Variants in KMT2C observed in about 807,000 individuals in gnomAD.
KMT2C encodes the protein lysine methyltransferase 2C, also known as histone-lysine N-methyltransferase 2C.
In KMT2C, 88 loss-of-function variants were observed where a neutral mutation model predicts 507.9. That is an observed-to-expected ratio of 0.17 (90% confidence interval 0.15 to 0.21). The LOEUF (loss-of-function observed/expected upper bound fraction) is 0.21, where lower values mean the gene tolerates loss of function less well. Ranked by LOEUF, KMT2C falls within the 10% of genes least tolerant of loss-of-function variation. KMT2C has a pLI of 1.00. For synonymous variants in KMT2C, 2,049 were observed against 2,080.8 expected (o/e 0.98, Z 0.42); for missense variants, 4,954 against 5,957.8 (o/e 0.83, Z 5.55).
At chr7:152,204,130 CA>C (rs112235437) in intron 25 of KMT2C, among the ~76,000 whole-genome samples, 186 of 134,476 alleles carry the variant, frequency 1.4e-3, no homozygotes, top group Admixed American at 1.8e-3. Context: ...CCACCAATAG[CA>C]AAAAAAAAAA....
At chr7:152,421,185 C>T (rs1162454189) in intron 1 of KMT2C, among the ~76,000 whole-genome samples, 1 of 152,056 alleles carries the variant, frequency 6.6e-6, no homozygotes, top group Non-Finnish European at 1.5e-5. Flanking sequence ...ATCAAAACCA[C>T]AATGAGATAC....
chr7:152,349,511 T>TAA (rs2097092848), intron 2 of KMT2C, among the ~76,000 whole-genome samples: 1 of 152,040 alleles, frequency 6.6e-6, no homozygotes, highest in South Asian at 2.1e-4. Flanking sequence ...TGCATATTAT[T>TAA]AAGTGAAAGA....
chr7:152,136,624 T>C lies in KMT2C; in HGVS notation c.*208A>G. 1 of 558,610 alleles carries C rather than the reference T, an allele frequency of 1.8e-6. No individual in the cohort carries two copies. Among genetic ancestry groups the C allele is most frequent in the Admixed American group, 3.2e-5 (1 of 31,390 alleles). The allele number at this position is 558,610 out of a possible 1,614,324, so 34.6% of individuals were successfully genotyped here. ...GACCATTCTGTGATTCCGTTTAACC[T>C]CGGCCACTTCAGGAACGCTGCTTCT... On this transcript the variant is annotated 3_prime_UTR_variant, in exon 59 of 59. Coordinates refer to ENST00000262189, the MANE Select transcript of KMT2C (RefSeq NM_170606.3).
intron 1 of KMT2C, chr7:152,368,786 A>T: frequency 1.4e-6 from 1 of 719,102 alleles, no homozygotes; most frequent in Non-Finnish European, 2.3e-6. Flanking sequence ...ACAGCGTGAC[A>T]AAAATTATTT....
Position 152,181,235 on chromosome 7 carries a change from T to A in KMT2C, c.6625A>T (p.Thr2209Ser). The change falls in exon 36 of 59, where the codon ACA becomes TCA. Residue 2209 changes from threonine (T) to serine (S), a missense_variant. Physicochemically the swap from Thr to Ser is moderately conservative, Grantham distance 58. Coordinates refer to ENST00000262189, the MANE Select transcript of KMT2C (RefSeq NM_170606.3). ...GGGACAGAAATTCCAGGTCTTGGTG[T>A]TCCAGGAGGATGAGCATATGGATCA... is the stretch of plus-strand genomic sequence containing the variant. ...HSDPYAHPPGTPRPGISVPYS... is the reference protein window; with the variant it reads ...HSDPYAHPPGSPRPGISVPYS... The A allele has an allele frequency of 6.2e-7, 1 of 1,614,116 alleles. No individual in the cohort carries two copies. The highest frequency in any genetic ancestry group is 1.1e-5 in the South Asian group (1 of 91,068).
chr7:152,162,352 C>G lies in KMT2C; in HGVS notation c.11225G>C (p.Ser3742Thr), dbSNP rs763095057. Residue 3742 changes from serine (S) to threonine (T), a missense_variant, in exon 43 of 59, where the codon AGT becomes ACT. Physicochemically the swap from Ser to Thr is moderately conservative, Grantham distance 58. Coordinates refer to ENST00000262189, the MANE Select transcript of KMT2C (RefSeq NM_170606.3). ...EEPKLEEQNG[S>T]KVEGNAVACP... ...GGCTACAGCGTTTCCTTCTACCTTA[C>G]TACCATTCTGTTCCTCCAATTTAGG... 1.1e-5 allele frequency: 17 copies of G among 1,614,124 alleles called. No homozygotes were observed. Among genetic ancestry groups the G allele is most frequent in the Non-Finnish European group, 1.4e-5 (16 of 1,180,048 alleles).
intron 16 of KMT2C, among the ~76,000 whole-genome samples, chr7:152,234,957 A>G (rs1230031626): frequency 6.6e-6 from 1 of 152,148 alleles, no homozygotes; most frequent in Non-Finnish European, 1.5e-5. Flanking sequence ...ATACTCAGCA[A>G]GAAAAGGGAG....
chr7:152,296,999 A>G (rs867930936), intron 6 of KMT2C, among the ~76,000 whole-genome samples: 54 of 48,260 alleles, frequency 1.1e-3, no homozygotes, highest in African/African-American at 6.1e-3. Context: ...AAGAAAGAAA[A>G]AGAAAGAAAG....
chr7:152,177,482 A>G lies in KMT2C; in HGVS notation c.7971T>C (p.Phe2657=), dbSNP rs781459311. ...CAGATGTTGACAAAGGAGCTTCTGA[A>G]AATTCACCACCTAGTGGATGGTTCA... ...RTLNHPLGGE[F]SEAPLSTSVP... Residue 2657 remains phenylalanine (F), a synonymous_variant, in exon 38 of 59, where the codon TTT becomes TTC. Coordinates refer to ENST00000262189, the MANE Select transcript of KMT2C (RefSeq NM_170606.3). 1 of 1,614,236 alleles carries G rather than the reference A, an allele frequency of 6.2e-7. No individual in the cohort carries two copies. The highest frequency in any genetic ancestry group is 1.1e-5 in the South Asian group (1 of 91,088).
At chr7:152,334,398 G>A (rs1319170721) in intron 2 of KMT2C, among the ~76,000 whole-genome samples, 1 of 152,164 alleles carries the variant, frequency 6.6e-6, no homozygotes, top group East Asian at 1.9e-4. Context: ...GTTGCGGTGA[G>A]CCGAGATCAT....
At chr7:152,280,445 G>A (rs1328543733) in intron 6 of KMT2C, among the ~76,000 whole-genome samples, 1 of 152,254 alleles carries the variant, frequency 6.6e-6, no homozygotes. Flanking sequence ...CGGCCACCTG[G>A]GAGGCTGAGG....
chr7:152,143,836 CA>C (rs1367742269), intron 55 of KMT2C, among the ~76,000 whole-genome samples: 4 of 152,152 alleles, frequency 2.6e-5, no homozygotes, highest in Non-Finnish European at 5.9e-5. Flanking sequence ...TGAGTATAGA[CA>C]AAGGAACGCT....
At chr7:152,385,484 C>T (rs937218949) in intron 1 of KMT2C, among the ~76,000 whole-genome samples, 3 of 130,782 alleles carry the variant, frequency 2.3e-5, no homozygotes, top group Non-Finnish European at 4.6e-5. Context: ...TAGTGGCGGG[C>T]GCCTGTAGTC....
At chr7:152,204,837 A>T (rs1371044898) in intron 25 of KMT2C, among the ~76,000 whole-genome samples, 1 of 152,046 alleles carries the variant, frequency 6.6e-6, no homozygotes, top group Non-Finnish European at 1.5e-5. Flanking sequence ...ACAGGAAAAA[A>T]GAGCTTGTCA....
chr7:152,250,028 G>A (rs2095539379), intron 12 of KMT2C, 75 bp from the exon 13 acceptor site: 5 of 837,180 alleles, frequency 6.0e-6, no homozygotes, highest in Admixed American at 1.9e-5. Flanking sequence ...AGTAATTTGA[G>A]TAAAGAGTTT....
chr7:152,236,017 T>C, intron 15 of KMT2C, 84 bp from the exon 16 acceptor site: 2 of 750,180 alleles, frequency 2.7e-6, no homozygotes, highest in Admixed American at 4.9e-5. Flanking sequence ...ATAAAACATT[T>C]TATTAAATGT....
At chr7:152,419,874 A>G (rs2097767863) in intron 1 of KMT2C, among the ~76,000 whole-genome samples, 1 of 152,262 alleles carries the variant, frequency 6.6e-6, no homozygotes, top group Non-Finnish European at 1.5e-5. Flanking sequence ...TGCCTAACAC[A>G]TAATAGCCAG....
chr7:152,161,997 T>C (rs1476242905), intron 43 of KMT2C, 120 bp downstream of exon 43: 4 of 1,145,546 alleles, frequency 3.5e-6, no homozygotes, highest in Admixed American at 3.6e-5. Flanking sequence ...AAATAAAAAA[T>C]GGTCCTTTAG....
chr7:152,341,675 T>C (rs2096994172), intron 2 of KMT2C, among the ~76,000 whole-genome samples: 1 of 152,138 alleles, frequency 6.6e-6, no homozygotes, highest in Admixed American at 6.6e-5. Context: ...AATAATATAC[T>C]AAAGTTAGGG....
Sources: gnomAD v4.1 joint callset for allele counts (sites outside exome capture counted in the v4.1 genomes callset) on GRCh38, gnomAD v4.1.1 for gene constraint, MANE v1.5 for transcripts, NCBI Gene and HGNC (gene_info 2026-07-23, HGNC 2026-07-21) for gene names.